Variants in CUBN observed in about 807,000 individuals in gnomAD.
The protein encoded by CUBN is cubilin.
Under a neutral mutation model 405.3 loss-of-function variants are expected in CUBN, and 282 were observed. The ratio of observed to expected loss-of-function variants is 0.70; its 90% CI spans 0.63 to 0.77. CUBN has a LOEUF of 0.77. Ranked by LOEUF, CUBN falls within the 30% of genes least tolerant of loss-of-function variation. The pLI is 0.00. For missense variants in CUBN, 4,514 were observed against 4,475.2 expected (o/e 1.01, Z -0.25); for synonymous variants, 1,684 against 1,617.0 (o/e 1.04, Z -0.99).
intron 40 of CUBN, among the ~76,000 whole-genome samples, chr10:16,932,869 T>A (rs1035377911): frequency 6.6e-6 from 1 of 152,232 alleles, no homozygotes; most frequent in Non-Finnish European, 1.5e-5. Flanking sequence ...TTTTTCCTTA[T>A]AGAAATGTGC....
At chr10:17,086,305 A>G (rs1361146123) in intron 15 of CUBN, among the ~76,000 whole-genome samples, 1 of 152,120 alleles carries the variant, frequency 6.6e-6, no homozygotes, top group Non-Finnish European at 1.5e-5. Flanking sequence ...TATAGTTAGA[A>G]TTTTTGTCAT....
chr10:16,948,640 T>C (rs774836391), intron 34 of CUBN, 34 bp from the exon 35 acceptor site: 1 of 1,611,950 alleles, frequency 6.2e-7, no homozygotes, highest in Admixed American at 1.7e-5. Context: ...GGAGAATGAA[T>C]GACAACATGG....
chr10:16,977,551 G>A (rs1833135195), intron 31 of CUBN, among the ~76,000 whole-genome samples: 1 of 152,148 alleles, frequency 6.6e-6, no homozygotes, highest in Non-Finnish European at 1.5e-5. Context: ...CCCACTGGGA[G>A]CTGTCTCCAT....
intron 62 of CUBN, among the ~76,000 whole-genome samples, chr10:16,837,152 C>G (rs776789354): frequency 6.6e-6 from 1 of 152,020 alleles, no homozygotes; most frequent in Non-Finnish European, 1.5e-5. Context: ...TTTGCTGTAT[C>G]CTGTGAACTT....
chr10:17,064,552 G>A lies in CUBN; in HGVS notation c.3139+956C>T, dbSNP rs1170705667. Among the ~76,000 whole-genome samples the A allele has an allele frequency of 2.0e-5, 3 of 152,216 alleles. No homozygotes were observed. In the East Asian group the frequency reaches 5.8e-4, roughly 29 times the overall value. ...AAAGCGGAGAAATGCTTGGAAGCAT[G>A]GTCACCATATGCCTACTATGGGTCT... On this transcript the variant is annotated intron_variant, in intron 22 of 66. Coordinates refer to ENST00000377833, the MANE Select transcript of CUBN (RefSeq NM_001081.4).
intron 32 of CUBN, among the ~76,000 whole-genome samples, 184 bp downstream of exon 32, chr10:16,954,202 AAGG>A (rs1842990712): frequency 1.3e-5 from 2 of 152,176 alleles, no homozygotes; most frequent in Admixed American, 6.5e-5. Flanking sequence ...GAAGTCAGAG[AAGG>A]AGAAGGTTAC....
rs893137162 is a variant in CUBN at position 17,121,534 on chromosome 10, C to CGG, written c.593+1259_593+1260dup. 3.5e-5 allele frequency among the ~76,000 whole-genome samples: 3 copies of CGG among 86,684 alleles called. No individual in the cohort carries two copies. In the Admixed American group the frequency reaches 5.4e-4, roughly 16 times the overall value. 56.9% of individuals were successfully genotyped at this position (86,684 alleles called of 152,430 possible). On this transcript the variant is annotated intron_variant, in intron 6 of 66. Transcript: ENST00000377833. ...ACACAGGAAGGGGAACATCACACACCGGGGACTGTTGTGGGGTGGGGGGAG... is the reference window on the plus strand; with the variant it reads ...ACACAGGAAGGGGAACATCACACACCGGGGGGACTGTTGTGGGGTGGGGGGAG...
In CUBN at chr10:17,068,121, T is replaced by A. The variant is rs200851536; in HGVS notation, c.2951A>T (p.Asn984Ile). Reference protein sequence around the residue: ...FETFHLEFHYNCTNDYLEVYD... With the variant: ...FETFHLEFHYICTNDYLEVYD... ...AACTTCCAAGTAGTCGTTTGTGCAA[T>A]TGTAATGAAACTCCAGATGAAATGT... The change falls in exon 21 of 67, where the codon AAT (asparagine) becomes ATT (isoleucine). Residue 984 changes from asparagine (N) to isoleucine (I), a missense_variant. Asn to Ile is a moderately radical substitution (Grantham distance 149). Coordinates refer to ENST00000377833, the MANE Select transcript of CUBN (RefSeq NM_001081.4). 1 of 1,613,318 alleles carries A rather than the reference T, an allele frequency of 6.2e-7. No homozygotes were observed. The highest frequency in any genetic ancestry group is 8.5e-7 in the Non-Finnish European group (1 of 1,179,532).
At chr10:16,920,995 G>A (rs561312975) in intron 43 of CUBN, among the ~76,000 whole-genome samples, 77 of 152,234 alleles carry the variant, frequency 5.1e-4, no homozygotes, top group African/African-American at 1.8e-3. Context: ...CCCTCGCTTC[G>A]TGTCTTTCCT....
intron 28 of CUBN, among the ~76,000 whole-genome samples, chr10:17,016,395 C>T (rs1030578719): frequency 6.6e-6 from 1 of 152,178 alleles, no homozygotes; most frequent in Non-Finnish European, 1.5e-5. Context: ...GTCATCCTAT[C>T]ATTTACTTCA....
intron 32 of CUBN, 83 bp from the exon 33 acceptor site, chr10:16,952,472 C>G: frequency 1.1e-6 from 1 of 899,442 alleles, no homozygotes; most frequent in Non-Finnish European, 1.9e-6. Flanking sequence ...ATGAATAAAA[C>G]CATCAATGAT....
intron 28 of CUBN, among the ~76,000 whole-genome samples, chr10:17,005,450 C>A (rs1833990736): frequency 1.3e-5 from 2 of 152,142 alleles, no homozygotes; most frequent in African/African-American, 4.8e-5. Flanking sequence ...TGATACTGCC[C>A]CAATGGAGAA....
chr10:16,997,634 T>C (rs1011246017), intron 28 of CUBN, among the ~76,000 whole-genome samples: 3 of 151,852 alleles, frequency 2.0e-5, no homozygotes, highest in Non-Finnish European at 4.4e-5. Context: ...CTATGAAACA[T>C]AAAAAAACGT....
chr10:16,899,180 C>A lies in CUBN; in HGVS notation c.8414G>T (p.Cys2805Phe). The stretch of plus-strand genomic sequence containing the variant: ...ATTATCAGAATGAAATATTCCACCA[C>A]AACCTGAAATATTGCCATGTAAAAA... ...YATWNTQTLG[C>F]GGIFHSDNGT... The change falls in exon 54 of 67, where the codon TGT becomes TTT. Residue 2805 changes from cysteine to phenylalanine, a missense_variant. Coordinates refer to ENST00000377833, the MANE Select transcript of CUBN (RefSeq NM_001081.4). 1 of 1,613,300 alleles carries A rather than the reference C, an allele frequency of 6.2e-7. No individual in the cohort carries two copies. The highest frequency in any genetic ancestry group is 8.5e-7 in the Non-Finnish European group (1 of 1,179,218).
At chr10:17,008,944 T>A (rs1834104663) in intron 28 of CUBN, among the ~76,000 whole-genome samples, 1 of 152,138 alleles carries the variant, frequency 6.6e-6, no homozygotes, top group Non-Finnish European at 1.5e-5. Flanking sequence ...TGATACATCA[T>A]GATTTACGTC....
In CUBN at chr10:16,913,932, G is replaced by C. The variant is rs1467349581; in HGVS notation, c.7412C>G (p.Pro2471Arg). 6.2e-7 allele frequency: 1 copy of C among 1,614,082 alleles called. No individual in the cohort carries two copies. The highest frequency in any genetic ancestry group is 1.7e-5 in the Admixed American group (1 of 60,008). ...CTCGCAGATCCGGCCATGAGGATTT[G>C]GGTTCGGGTAGTTGGGAGAAGTAAA... ...GTFTSPNYPN[P>R]NPHGRICEWR... Residue 2471 changes from proline to arginine, a missense_variant, in exon 48 of 67, where the codon CCA (proline) becomes CGA (arginine). Transcript: ENST00000377833.
At chr10:16,959,797 TCCCAAGGCAAA>T (rs1554800583) in intron 31 of CUBN, among the ~76,000 whole-genome samples, 1 of 152,174 alleles carries the variant, frequency 6.6e-6, no homozygotes, top group Non-Finnish European at 1.5e-5. Flanking sequence ...TCCATTTAGT[TCCCAAGGCAAA>T]GCTAGCAAAT....
chr10:16,852,543 C>T (rs913324005), intron 59 of CUBN, among the ~76,000 whole-genome samples: 18 of 151,392 alleles, frequency 1.2e-4, no homozygotes, highest in East Asian at 3.9e-4. Context: ...TTGCCTCCCT[C>T]GCTCTTTGCT....
chr10:16,883,172 C>T (rs973421897), intron 56 of CUBN, among the ~76,000 whole-genome samples: 1 of 152,172 alleles, frequency 6.6e-6, no homozygotes, highest in African/African-American at 2.4e-5. Context: ...GACCTATCAT[C>T]TGTCTTGTTA....
Sources: gnomAD v4.1 joint callset for allele counts (sites outside exome capture counted in the v4.1 genomes callset) on GRCh38, gnomAD v4.1.1 for gene constraint, MANE v1.5 for transcripts, NCBI Gene and HGNC (gene_info 2026-07-23, HGNC 2026-07-21) for gene names.